The following CCL24 variants were observed in gnomAD, a reference collection of about 807,000 sequenced individuals.
CCL24 encodes the protein C-C motif chemokine 24.
A neutral mutation model predicts 8.6 loss-of-function variants in CCL24; 6 were observed. The observed-to-expected ratio is 0.70, with a 90% CI of 0.38 to 1.38. The LOEUF (loss-of-function observed/expected upper bound fraction) is 1.38. Among genes scored for constraint, CCL24 ranks in the 40% most tolerant of loss-of-function variants. CCL24 has a pLI of 0.02. For missense variants in CCL24, 126 were observed against 147.1 expected (o/e 0.86, Z 0.74); for synonymous variants, 59 against 52.7 (o/e 1.12, Z -0.52).
intron 1 of CCL24, among the ~76,000 whole-genome samples, chr7:75,822,010 G>A (rs145063749): frequency 0.014 from 2,071 of 152,152 alleles, 21 homozygotes; most frequent in Non-Finnish European, 0.021. Context: ...GCTGAGGCAG[G>A]AGAATAGCTT....
At chr7:75,814,543 G>C (rs937364647), upstream of CCL24, among the ~76,000 whole-genome samples, 4 of 151,952 alleles carry the variant, frequency 2.6e-5, no homozygotes, top group Admixed American at 6.6e-5. Context: ...CTCCAGGCTG[G>C]GCAACAGAGC....
intron 1 of CCL24, among the ~76,000 whole-genome samples, chr7:75,820,560 G>T (rs1554534947): frequency 6.6e-6 from 1 of 152,060 alleles, no homozygotes; most frequent in Non-Finnish European, 1.5e-5. Context: ...AGGTGTTTCA[G>T]GTATCCATCC....
At chr7:75,816,112 C>A (rs377764518), upstream of CCL24, among the ~76,000 whole-genome samples, 15 of 152,232 alleles carry the variant, frequency 9.9e-5, no homozygotes, top group East Asian at 9.6e-4. Flanking sequence ...TTGACCTGAA[C>A]GCCTTGAGAT....
At chr7:75,814,931 G>T (rs924731360), upstream of CCL24, among the ~76,000 whole-genome samples, 2 of 151,866 alleles carry the variant, frequency 1.3e-5, no homozygotes, top group Admixed American at 6.6e-5. Flanking sequence ...ATGGTCTCTC[G>T]TGGAAGCATC....
At chr7:75,816,454 C>T (rs1803892543), upstream of CCL24, among the ~76,000 whole-genome samples, 1 of 152,176 alleles carries the variant, frequency 6.6e-6, no homozygotes, top group South Asian at 2.1e-4. Context: ...CATCAGCCAA[C>T]AGTAATTATC....
In CCL24 at chr7:75,820,693, C is replaced by T. The variant is rs182188514; in HGVS notation, c.-60+2629G>A. Among the ~76,000 whole-genome samples, 291 of 140,118 alleles carry T rather than the reference C, an allele frequency of 2.1e-3. 2 individuals carry two copies. The highest frequency in any genetic ancestry group is 3.8e-3 in the Middle Eastern group (1 of 260). The allele number at this position is 140,118 out of a possible 152,430, so 91.9% of individuals were successfully genotyped here. On this transcript the variant is annotated intron_variant, in intron 1 of 3. Transcript: ENST00000416943. Reference sequence around the variant, plus strand: ...TCATCCATCCATCCATCCACTTATTCATCCATCCACCCTTCATCCATCTAC... The same window carrying T: ...TCATCCATCCATCCATCCACTTATTTATCCATCCACCCTTCATCCATCTAC...
intron 1 of CCL24, 109 bp from the exon 2 acceptor site, chr7:75,813,532 G>A: frequency 1.6e-6 from 2 of 1,263,594 alleles, no homozygotes; most frequent in South Asian, 1.2e-5. Flanking sequence ...TCCATTCACT[G>A]GGCCACCCTT....
Position 75,811,671 on chromosome 7 carries a change from C to A in CCL24, c.*125G>T. Reference sequence around the variant, plus strand: ...GGGTTTTTCATAGAAGAGACACATCCCTGGAGAGTGTTGCTAAGAAACAGG... The same window carrying A: ...GGGTTTTTCATAGAAGAGACACATCACTGGAGAGTGTTGCTAAGAAACAGG... On this transcript the variant is annotated 3_prime_UTR_variant, in exon 3 of 3. Coordinates refer to ENST00000222902, the MANE Select transcript of CCL24 (RefSeq NM_002991.3). The A allele has an allele frequency of 2.4e-6, 2 of 829,848 alleles. No individual in the cohort carries two copies. The highest frequency in any genetic ancestry group is 3.7e-6 in the Non-Finnish European group (2 of 538,002). The allele number at this position is 829,848 out of a possible 1,614,324, so 51.4% of individuals were successfully genotyped here.
rs1361349073 is a variant in CCL24, at chr7:75,819,282, AAAAAAAAAAAAAAAAAAAAAAATATAT to A, written c.-60+4013_-60+4039del. ...AAACTCCGTCTCAAAAAAAAAAAAA[AAAAAAAAAAAAAAAAAAAAAAATATAT>A]ATATATATATATATATATATATATA... On this transcript the variant is annotated intron_variant, in intron 1 of 3. Transcript: ENST00000416943. Among the ~76,000 whole-genome samples, 29 of 24,494 alleles carry A rather than the reference AAAAAAAAAAAAAAAAAAAAAAATATAT, an allele frequency of 1.2e-3. 2 individuals are homozygous for A. The highest frequency in any genetic ancestry group is 4.2e-3 in the African/African-American group (28 of 6,646). 16.1% of individuals were successfully genotyped at this position (24,494 alleles called of 152,430 possible). A position where few individuals can be genotyped will look rare whatever the true frequency, so the allele number is the denominator to read the frequency against.
At chr7:75,818,768 G>A (rs1291897562), upstream of CCL24, among the ~76,000 whole-genome samples, 1 of 152,080 alleles carries the variant, frequency 6.6e-6, no homozygotes, top group African/African-American at 2.4e-5. Context: ...CTCCAGCACA[G>A]ACCCTGTCCC....
upstream of CCL24, among the ~76,000 whole-genome samples, chr7:75,818,799 C>A (rs890458115): frequency 1.3e-5 from 2 of 151,944 alleles, no homozygotes; most frequent in African/African-American, 2.4e-5. Context: ...TCGGTTTCTC[C>A]ATCTGAGAAG....
chr7:75,812,082 A>G (rs1330984372), intron 2 of CCL24, 118 bp from the exon 3 acceptor site: 1 of 764,730 alleles, frequency 1.3e-6, no homozygotes, highest in Non-Finnish European at 2.1e-6. Context: ...CAAGTTGCTG[A>G]GATGATGTCA....
intron 1 of CCL24, among the ~76,000 whole-genome samples, chr7:75,820,787 C>G (rs1804030455): frequency 6.6e-6 from 1 of 151,088 alleles, no homozygotes; most frequent in Non-Finnish European, 1.5e-5. Flanking sequence ...ACCCACCCAT[C>G]TACTCATCTA....
At chr7:75,817,427 G>A (rs1481567095), upstream of CCL24, among the ~76,000 whole-genome samples, 1 of 151,926 alleles carries the variant, frequency 6.6e-6, no homozygotes, top group East Asian at 1.9e-4. Flanking sequence ...GTGGGAGTGT[G>A]TGGGGTGGGG....
upstream of CCL24, among the ~76,000 whole-genome samples, chr7:75,815,732 T>C (rs2115789669): frequency 6.6e-6 from 1 of 152,238 alleles, no homozygotes; most frequent in African/African-American, 2.4e-5. Flanking sequence ...CAGGACCTCA[T>C]GATCAGAGAC....
chr7:75,820,231 G>A (rs1804018103), intron 1 of CCL24, among the ~76,000 whole-genome samples: 1 of 149,496 alleles, frequency 6.7e-6, no homozygotes, highest in African/African-American at 2.5e-5. Context: ...TTGTCGTCCA[G>A]GCAACAGCAC....
Position 75,811,185 on chromosome 7 carries a change from A to G in CCL24, c.*611T>C, listed in dbSNP as rs1803748956. Among the ~76,000 whole-genome samples the G allele has an allele frequency of 1.3e-5, 2 of 151,908 alleles. No individual in the cohort carries two copies. Among genetic ancestry groups the G allele is most frequent in the South Asian group, 2.1e-4 (1 of 4,826 alleles). On this transcript the variant is annotated 3_prime_UTR_variant, in exon 3 of 3. Transcript: ENST00000222902. ...ATTATGATTTTTTTTTTTCAACATA[A>G]AAGTTTGAGTAGGCTGGGTGTGGTG...
At chr7:75,814,727 A>G (rs981639383), upstream of CCL24, among the ~76,000 whole-genome samples, 6 of 151,866 alleles carry the variant, frequency 4.0e-5, no homozygotes, top group African/African-American at 1.5e-4. Flanking sequence ...AGTCACCAAG[A>G]TTCTAGGGAA....
chr7:75,822,761 G>A (rs1392657315), intron 1 of CCL24, among the ~76,000 whole-genome samples: 5 of 152,088 alleles, frequency 3.3e-5, no homozygotes, highest in Admixed American at 6.6e-5. Context: ...TCCAGGAGGC[G>A]GAGGTTGCAG....
Sources: gnomAD v4.1 joint callset for allele counts (sites outside exome capture counted in the v4.1 genomes callset) on GRCh38, gnomAD v4.1.1 for gene constraint, MANE v1.5 for transcripts, NCBI Gene and HGNC (gene_info 2026-07-23, HGNC 2026-07-21) for gene names.